KCNH1: variants seen among roughly 807,000 people sequenced by gnomAD.
KCNH1 encodes the protein voltage-gated delayed rectifier potassium channel KCNH1.
KCNH1 carries 27 observed loss-of-function variants against 69.2 expected under a neutral mutation model. The ratio of observed to expected loss-of-function variants is 0.39; its 90% CI spans 0.29 to 0.54. The LOEUF is 0.54. KCNH1 is among the 20% of genes least tolerant of loss of function. The pLI, the probability that KCNH1 is intolerant of heterozygous loss-of-function variation, is 0.68. For synonymous variants in KCNH1, 456 were observed against 487.7 expected (o/e 0.93, Z 0.86); for missense variants, 798 against 1,261.6 (o/e 0.63, Z 5.57).
chr1:211,107,333 T>C lies in KCNH1; in HGVS notation c.124A>G (p.Ile42Val). The C allele has an allele frequency of 1.9e-6, 3 of 1,610,534 alleles. No homozygotes were observed. The South Asian group carries it at 3.3e-5, about 18-fold the overall frequency. ...LGNAQIVDWP[I>V]VYSNDGFCKL... ...CAAAATCCATCATTGCTGTACACAA[T>C]AGGCCAGTCCACTATCTGAGCATTC... Residue 42 changes from isoleucine (I) to valine (V), a missense_variant, in exon 2 of 11, where the codon ATT becomes GTT. By Grantham distance (29) the Ile-to-Val change is conservative. This residue lies in a region of KCNH1 where 266 missense variants were observed against 457.2 expected (regional missense o/e 0.58). Coordinates refer to ENST00000271751, the MANE Select transcript of KCNH1 (RefSeq NM_172362.3).
At chr1:210,735,175 C>G (rs1299777115) in intron 10 of KCNH1, among the ~76,000 whole-genome samples, 1 of 152,088 alleles carries the variant, frequency 6.6e-6, no homozygotes, top group African/African-American at 2.4e-5. Flanking sequence ...TGGTGAAGCC[C>G]CCTCATCTGA....
chr1:210,775,976 C>T (rs914742881), intron 9 of KCNH1, among the ~76,000 whole-genome samples: 2 of 152,154 alleles, frequency 1.3e-5, no homozygotes, highest in African/African-American at 4.8e-5. Flanking sequence ...ACAGTGCCTG[C>T]ACATGGTGGG....
chr1:210,941,014 G>T (rs895429033), intron 6 of KCNH1, among the ~76,000 whole-genome samples: 3 of 152,208 alleles, frequency 2.0e-5, no homozygotes, highest in Admixed American at 6.5e-5. Flanking sequence ...CATGGGGGTT[G>T]CATCTATAGG....
intron 7 of KCNH1, among the ~76,000 whole-genome samples, chr1:210,805,428 T>A (rs970526905): frequency 6.6e-6 from 1 of 152,164 alleles, no homozygotes; most frequent in African/African-American, 2.4e-5. Flanking sequence ...CACCAAAAGT[T>A]GTGTCATGCC....
intron 9 of KCNH1, among the ~76,000 whole-genome samples, chr1:210,794,174 G>C (rs931831346): frequency 2.6e-5 from 4 of 152,176 alleles, no homozygotes; most frequent in African/African-American, 9.7e-5. Flanking sequence ...AGTTTCCAGG[G>C]AGCAAACAGC....
At chr1:210,947,663 C>T (rs929497806) in intron 6 of KCNH1, among the ~76,000 whole-genome samples, 4 of 151,690 alleles carry the variant, frequency 2.6e-5, no homozygotes, top group Admixed American at 2.6e-4. Flanking sequence ...CTGAGATACA[C>T]CACTGGTAAG....
chr1:210,985,648 G>A (rs930500063), intron 6 of KCNH1, among the ~76,000 whole-genome samples: 1 of 152,054 alleles, frequency 6.6e-6, no homozygotes, highest in Non-Finnish European at 1.5e-5. Context: ...GTCTGGGAGA[G>A]AGTTTGTTAT....
Position 211,038,755 on chromosome 1 carries a change from G to C in KCNH1, c.559-19499C>G, listed in dbSNP as rs575362678. 3.9e-5 allele frequency among the ~76,000 whole-genome samples: 6 copies of C among 152,264 alleles called. No homozygotes were observed. The South Asian group carries it at 1.2e-3, about 32-fold the overall frequency. On this transcript the variant is annotated intron_variant, in intron 5 of 10. Transcript: ENST00000271751. ...GTGGAACTTTGAACTTGAGAGAGAT[G>C]ATTTAGGGTATCTGGGGGAAGAAAT...
At chr1:211,000,486 C>T (rs1689152686) in intron 6 of KCNH1, among the ~76,000 whole-genome samples, 1 of 152,126 alleles carries the variant, frequency 6.6e-6, no homozygotes, top group African/African-American at 2.4e-5. Context: ...AGGAGAACTA[C>T]AAACCACTGC....
In KCNH1 at chr1:210,859,626, A is replaced by C. The variant is rs1341731520; in HGVS notation, c.1463-55460T>G. On this transcript the variant is annotated intron_variant, in intron 7 of 10. Transcript: ENST00000271751. ...CATCATCATATTCAGCTTCATCATC[A>C]TCACTGTCATTCTTGTGTTCTGCAT... 30 of 1,362,236 alleles carry C rather than the reference A, an allele frequency of 2.2e-5. No homozygotes were observed. The East Asian group carries it at 3.4e-4, about 16-fold the overall frequency. 84.4% of individuals were successfully genotyped at this position (1,362,236 alleles called of 1,614,324 possible). A position where few individuals can be genotyped will look rare whatever the true frequency, so the allele number is the denominator to read the frequency against.
rs368353409 is a variant in KCNH1 at position 211,062,485 on chromosome 1, T to C, written c.558+20295A>G. Reference sequence around the variant, plus strand: ...AAATAGCATCATATCAAGTTAAAAATCTTCTGCATGGCAAAGGAAACAATC... The same window carrying C: ...AAATAGCATCATATCAAGTTAAAAACCTTCTGCATGGCAAAGGAAACAATC... On this transcript the variant is annotated intron_variant, in intron 5 of 10. Coordinates refer to ENST00000271751, the MANE Select transcript of KCNH1 (RefSeq NM_172362.3). Among the ~76,000 whole-genome samples the C allele has an allele frequency of 2.0e-5, 3 of 152,176 alleles. No homozygotes were observed. The East Asian group carries it at 5.8e-4, about 29-fold the overall frequency.
At chr1:210,843,077 G>A (rs759859699) in intron 7 of KCNH1, among the ~76,000 whole-genome samples, 54 of 152,164 alleles carry the variant, frequency 3.5e-4, no homozygotes, top group Non-Finnish European at 1.2e-4. Flanking sequence ...GAATGTGCCC[G>A]CAAATCATTC....
chr1:210,955,175 T>C (rs548919200), intron 6 of KCNH1, among the ~76,000 whole-genome samples: 2 of 152,214 alleles, frequency 1.3e-5, no homozygotes, highest in Non-Finnish European at 2.9e-5. Context: ...TCCCCATTTC[T>C]TGTTTTTGTC....
intron 6 of KCNH1, among the ~76,000 whole-genome samples, chr1:211,004,009 C>T (rs370990921): frequency 6.6e-6 from 1 of 152,006 alleles, no homozygotes; most frequent in South Asian, 2.1e-4. Context: ...AGGAGAATGG[C>T]GTGAACCCCG....
At chr1:210,798,406 C>G (rs1011855094) in intron 8 of KCNH1, among the ~76,000 whole-genome samples, 6 of 152,148 alleles carry the variant, frequency 3.9e-5, no homozygotes, top group African/African-American at 1.4e-4. Context: ...AAGAACATTC[C>G]AGCAAGATAG....
intron 7 of KCNH1, among the ~76,000 whole-genome samples, chr1:210,836,706 G>C (rs181593333): frequency 2.1e-3 from 320 of 152,322 alleles, no homozygotes; most frequent in Non-Finnish European, 2.2e-3. Context: ...TCATAGGAGA[G>C]AGAGGTACAT....
intron 5 of KCNH1, among the ~76,000 whole-genome samples, chr1:211,071,362 A>G (rs1241261140): frequency 6.6e-6 from 1 of 152,338 alleles, no homozygotes; most frequent in African/African-American, 2.4e-5. Flanking sequence ...ATTCTTGATG[A>G]GAACCTTGAG....
intron 7 of KCNH1, among the ~76,000 whole-genome samples, chr1:210,882,458 T>A (rs556278876): frequency 6.6e-6 from 1 of 152,264 alleles, no homozygotes; most frequent in East Asian, 1.9e-4. Context: ...TTGTATAACA[T>A]CTAAACTCAT....
intron 9 of KCNH1, among the ~76,000 whole-genome samples, chr1:210,789,948 C>T (rs1574257455): frequency 1.3e-5 from 2 of 152,170 alleles, no homozygotes; most frequent in African/African-American, 2.4e-5. Flanking sequence ...GATGCCTAGG[C>T]TGGAGTGCAG....
Sources: gnomAD v4.1 joint callset for allele counts (sites outside exome capture counted in the v4.1 genomes callset) on GRCh38, gnomAD v4.1.1 for gene constraint, gnomAD v4.1.1 regional missense constraint, MANE v1.5 for transcripts, NCBI Gene and HGNC (gene_info 2026-07-23, HGNC 2026-07-21) for gene names.